OR7C1: variants seen among roughly 807,000 people sequenced by gnomAD.
The protein encoded by OR7C1 is olfactory receptor family 7 subfamily C member 1, also known as olfactory receptor 7C1.
For missense variants in OR7C1, 324 were observed against 383.3 expected (o/e 0.85, Z 1.29); for synonymous variants, 152 against 160.7 (o/e 0.95, Z 0.41).
At chr19:14,810,659 A>T (rs963510713) in intron 1 of OR7C1, among the ~76,000 whole-genome samples, 2 of 151,460 alleles carry the variant, frequency 1.3e-5, no homozygotes, top group African/African-American at 4.9e-5. Context: ...TGCTGGGATT[A>T]CAGGCGTGAG....
chr19:14,811,655 G>C (rs1244570960), intron 1 of OR7C1, among the ~76,000 whole-genome samples: 1 of 151,592 alleles, frequency 6.6e-6, no homozygotes, highest in Non-Finnish European at 1.5e-5. Context: ...GCTGTGGGTA[G>C]GATTTGGCCT....
chr19:14,827,188 A>T, intron 1 of OR7C1: 1 of 1,263,080 alleles, frequency 7.9e-7, no homozygotes. Flanking sequence ...AAACTCCCAG[A>T]AATATAATAA....
At chr19:14,824,649 A>G (rs1020164901) in intron 1 of OR7C1, 1 of 152,124 alleles carries the variant, frequency 6.6e-6, no homozygotes, top group African/African-American at 2.4e-5. Flanking sequence ...CAATGATTCC[A>G]TGTCTTTGCT....
intron 2 of OR7C1, among the ~76,000 whole-genome samples, chr19:14,808,099 TA>T (rs35454647): frequency 0.21 from 28,612 of 135,212 alleles, 3,060 homozygotes; most frequent in African/African-American, 0.27. Flanking sequence ...TTTAAAGAAA[TA>T]AAAAAAAAAA....
intron 1 of OR7C1, among the ~76,000 whole-genome samples, chr19:14,822,373 CTTTTTTTTTTTTT>C (rs1162241411): frequency 7.4e-5 from 5 of 67,692 alleles, no homozygotes; most frequent in Admixed American, 2.2e-4. Flanking sequence ...TATCTCCTGT[CTTTTTTTTTTTTT>C]TTTTTTTTTT....
chr19:14,805,986 G>A (rs2044664728), intron 2 of OR7C1, among the ~76,000 whole-genome samples: 1 of 151,810 alleles, frequency 6.6e-6, no homozygotes, highest in South Asian at 2.1e-4. Flanking sequence ...CTTGTTAATT[G>A]GAGACACCAA....
At chr19:14,810,127 A>G (rs1288761832) in intron 1 of OR7C1, 134 bp from the exon 2 acceptor site, 1 of 151,950 alleles carries the variant, frequency 6.6e-6, no homozygotes, top group Non-Finnish European at 1.5e-5. Flanking sequence ...ATATAAATAA[A>G]AAGTGTTTCT....
At chr19:14,813,072 C>CAAAAAAA (rs61686100) in intron 1 of OR7C1, among the ~76,000 whole-genome samples, 18 of 87,706 alleles carry the variant, frequency 2.1e-4, no homozygotes, top group African/African-American at 6.2e-4. Context: ...GATTCCATCT[C>CAAAAAAA]AAAAAAAAAA....
chr19:14,799,730 A>C (rs1476111059), exon 5 of OR7C1: 4 of 1,614,044 alleles, frequency 2.5e-6, no homozygotes, highest in Non-Finnish European at 3.4e-6. Context: ...CTGGGGGTTC[A>C]TGATGACCGT....
rs896602316 is a variant in OR7C1, at chr19:14,799,568, G to A, written c.569C>T (p.Ser190Phe). 2.5e-6 allele frequency: 4 copies of A among 1,614,074 alleles called. No individual in the cohort carries two copies. The African/African-American group carries it at 5.3e-5, about 22-fold the overall frequency. ...CACCACGTTATTAATGAAGGTGTCA[G>A]AACAGGCGAGCTTCAGGACTTCAAG... Residue 190 changes from serine to phenylalanine, a missense_variant, in exon 5 of 5, where the codon TCT (serine) becomes TTT (phenylalanine). Transcript: ENST00000641666.
chr19:14,818,450 A>G (rs1423115971), intron 1 of OR7C1, among the ~76,000 whole-genome samples: 3 of 152,122 alleles, frequency 2.0e-5, no homozygotes, highest in Non-Finnish European at 4.4e-5. Flanking sequence ...GATGAAAAAA[A>G]TATGTTTATT....
chr19:14,827,218 G>C, intron 1 of OR7C1: 1 of 1,440,238 alleles, frequency 6.9e-7, no homozygotes, highest in Non-Finnish European at 9.2e-7. Context: ...GAAGGAGCAA[G>C]TTCTATTTCC....
At chr19:14,827,780 C>G in intron 1 of OR7C1, 1 of 1,614,138 alleles carries the variant, frequency 6.2e-7, no homozygotes, top group South Asian at 1.1e-5. Flanking sequence ...GCAAGGAATA[C>G]AGAGCACTCA....
At chr19:14,833,565 A>T (rs1023825813) in intron 1 of OR7C1, among the ~76,000 whole-genome samples, 40 of 152,254 alleles carry the variant, frequency 2.6e-4, no homozygotes. Context: ...TAACTAAGGC[A>T]ATAATTGCAG....
At chr19:14,812,043 T>G (rs2044693316) in intron 1 of OR7C1, among the ~76,000 whole-genome samples, 1 of 150,458 alleles carries the variant, frequency 6.6e-6, no homozygotes, top group Admixed American at 6.6e-5. Flanking sequence ...GTTCAGTCTT[T>G]GCTGCAGTGA....
At chr19:14,817,275 G>C (rs944791948) in intron 1 of OR7C1, among the ~76,000 whole-genome samples, 3 of 152,136 alleles carry the variant, frequency 2.0e-5, no homozygotes, top group Non-Finnish European at 4.4e-5. Flanking sequence ...TGGCTGCATA[G>C]TATTCCATGG....
Position 14,806,562 on chromosome 19 carries a change from A to G in OR7C1, c.-435+3244T>C, listed in dbSNP as rs1037900179. On this transcript the variant is annotated intron_variant, in intron 2 of 4. Coordinates refer to ENST00000641666, the Ensembl canonical transcript of OR7C1. Reference sequence around the variant, plus strand: ...CCAACTCCCACTGACAGGCGTCAGTATGTGTTGTTCCCCTCCCTGTGTCCA... The same window carrying G: ...CCAACTCCCACTGACAGGCGTCAGTGTGTGTTGTTCCCCTCCCTGTGTCCA... Among the ~76,000 whole-genome samples, 54 of 151,934 alleles carry G rather than the reference A, an allele frequency of 3.6e-4. No homozygotes were observed. In the Middle Eastern group the frequency reaches 0.01, roughly 29 times the overall value.
At chr19:14,802,251 G>A (rs2044645521) in intron 2 of OR7C1, among the ~76,000 whole-genome samples, 1 of 152,254 alleles carries the variant, frequency 6.6e-6, no homozygotes, top group African/African-American at 2.4e-5. Flanking sequence ...CGGGCGTGGT[G>A]GCTCACGCCT....
At chr19:14,803,694 T>G (rs1226774271) in intron 2 of OR7C1, among the ~76,000 whole-genome samples, 1 of 151,346 alleles carries the variant, frequency 6.6e-6, no homozygotes, top group African/African-American at 2.4e-5. Context: ...CCTATCTACC[T>G]AAATAATAAT....
Sources: allele counts gnomAD v4.1 joint callset (sites outside exome capture counted in the v4.1 genomes callset), GRCh38; gene constraint gnomAD v4.1.1; transcripts MANE v1.5; gene names NCBI Gene and HGNC (gene_info 2026-07-23, HGNC 2026-07-21).